PRCD: variants seen among roughly 807,000 people sequenced by gnomAD.
The protein encoded by PRCD is photoreceptor disk component PRCD.
In PRCD, 12 loss-of-function variants were observed where a neutral mutation model predicts 10.1. That is an observed-to-expected ratio of 1.18 (90% CI 0.76 to 1.92). The LOEUF (loss-of-function observed/expected upper bound fraction) is 1.92, where lower values mean the gene tolerates loss of function less well. PRCD is among the 40% of genes most tolerant of loss of function. PRCD has a pLI of 0.00. For missense variants in PRCD, 61 were observed against 72.2 expected (o/e 0.84, Z 0.56); for synonymous variants, 31 against 26.2 (o/e 1.18, Z -0.56).
Position 76,532,169 on chromosome 17 carries a change from G to A in PRCD, n.45+4336G>A, listed in dbSNP as rs74864460. 2.7e-3 allele frequency: 425 copies of A among 159,896 alleles called. 6 individuals carry two copies. The highest frequency in any genetic ancestry group is 0.022 in the East Asian group (122 of 5,444). The allele number at this position is 159,896 out of a possible 1,614,324, so 9.9% of individuals were successfully genotyped here. A position where few individuals can be genotyped will look rare whatever the true frequency, so the allele number is the denominator to read the frequency against. On this transcript the variant is annotated intron_variant and non_coding_transcript_variant, in intron 1 of 4. Transcript: ENST00000397633. ...ATGGCTCCCTATTGTCTGCCAAAGT[G>A]AAACTCCTTAACCGGGCATTCCAGA...
rs575918636 is a variant in PRCD at position 76,540,254 on chromosome 17, G to GC, written c.74+39_74+40insC. 1.1e-3 allele frequency: 937 copies of GC among 887,748 alleles called. 15 individuals are homozygous for GC. Among genetic ancestry groups the GC allele is most frequent in the Non-Finnish European group, 1.4e-3 (849 of 589,492 alleles). 55.0% of individuals were successfully genotyped at this position (887,748 alleles called of 1,614,324 possible). On this transcript the variant is annotated intron_variant, in intron 1 of 4. Transcript: ENST00000592014. The surrounding 1 kb of genome is among the most constrained non-coding windows in gnomAD (Gnocchi z 5.0). The stretch of plus-strand genomic sequence containing the variant: ...CGGGCTATGGCTGGCGGTTGGTCGG[G>GC]GGGGGGGGGCATGGGGCTGGGCTGC...
intron 1 of PRCD, among the ~76,000 whole-genome samples, chr17:76,534,174 C>CTCTCTCTT (rs1567907867): frequency 9.4e-5 from 10 of 106,106 alleles, no homozygotes; most frequent in Admixed American, 7.9e-4. Context: ...CTCTCTCTCT[C>CTCTCTCTT]TCTTTCTTTC....
Position 76,545,343 on chromosome 17 carries a change from A to G in PRCD, c.*1693A>G, listed in dbSNP as rs570468596. 10 of 456,676 alleles carry G rather than the reference A, an allele frequency of 2.2e-5. No individual in the cohort carries two copies. In the East Asian group the frequency reaches 7.0e-4, roughly 32 times the overall value. 28.3% of individuals were successfully genotyped at this position (456,676 alleles called of 1,614,324 possible). A position where few individuals can be genotyped will look rare whatever the true frequency, so the allele number is the denominator to read the frequency against. On this transcript the variant is annotated 3_prime_UTR_variant, in exon 5 of 5. Transcript: ENST00000592014. Reference sequence around the variant, plus strand: ...AGCTCAGGGCAAGGGTGGACCTTTAAATGGGGGAATTAAATCCTGACTATG... The same window carrying G: ...AGCTCAGGGCAAGGGTGGACCTTTAGATGGGGGAATTAAATCCTGACTATG...
chr17:76,540,259 G>GGT lies in PRCD; in HGVS notation c.74+45_74+46insTG. 9.7e-7 allele frequency: 1 copy of GGT among 1,026,674 alleles called. No individual in the cohort carries two copies. The allele number at this position is 1,026,674 out of a possible 1,614,324, so 63.6% of individuals were successfully genotyped here. A position where few individuals can be genotyped will look rare whatever the true frequency, so the allele number is the denominator to read the frequency against. The stretch of plus-strand genomic sequence containing the variant: ...TATGGCTGGCGGTTGGTCGGGGGGG[G>GGT]GGGGCATGGGGCTGGGCTGCCACCA... On this transcript the variant is annotated intron_variant, in intron 1 of 4. Coordinates refer to ENST00000592014, the MANE Select transcript of PRCD (RefSeq NM_001077620.3). The surrounding 1 kb of genome is among the most constrained non-coding windows in gnomAD (Gnocchi z 5.0).
downstream of PRCD, chr17:76,545,971 G>A (rs2075049352): frequency 6.3e-6 from 1 of 157,836 alleles, no homozygotes; most frequent in Non-Finnish European, 1.4e-5. Context: ...GAAGCCCCCT[G>A]TAAGCCTGTA....
chr17:76,536,105 G>A, upstream of PRCD, among the ~76,000 whole-genome samples: 1 of 152,200 alleles, frequency 6.6e-6, no homozygotes, highest in East Asian at 1.9e-4. Context: ...GTATCCCAAT[G>A]TCCCTCTTAG....
Position 76,530,966 on chromosome 17 carries a change from C to A in PRCD, n.45+3133C>A. 1 of 1,571,038 alleles carries A rather than the reference C, an allele frequency of 6.4e-7. No homozygotes were observed. The highest frequency in any genetic ancestry group is 8.6e-7 in the Non-Finnish European group (1 of 1,156,660). ...GGGGAGGCTGCCCAGCCCACCCTCGCCCGCCTCCTCACGTGGTGGCGTTGG... is the reference window on the plus strand; with the variant it reads ...GGGGAGGCTGCCCAGCCCACCCTCGACCGCCTCCTCACGTGGTGGCGTTGG... On this transcript the variant is annotated intron_variant and non_coding_transcript_variant, in intron 1 of 4. Coordinates refer to the PRCD transcript ENST00000397633. The surrounding 1 kb of genome is among the most constrained non-coding windows in gnomAD (Gnocchi z 6.1).
At position 76,531,218 on chromosome 17, in the gene PRCD, A is replaced by G; in HGVS notation, n.45+3385A>G. On this transcript the variant is annotated intron_variant and non_coding_transcript_variant, in intron 1 of 4. Coordinates refer to the PRCD transcript ENST00000397633. The surrounding 1 kb of genome is among the most constrained non-coding windows in gnomAD (Gnocchi z 7.4). ...TGCAACCCCCAGGCCCCTCCGCCCC[A>G]CGTGTGGCCGAGAGGATCATTCCTA... 6.8e-7 allele frequency: 1 copy of G among 1,463,990 alleles called. No homozygotes were observed. Among genetic ancestry groups the G allele is most frequent in the Non-Finnish European group, 9.3e-7 (1 of 1,070,100 alleles). The allele number at this position is 1,463,990 out of a possible 1,614,324, so 90.7% of individuals were successfully genotyped here.
In PRCD at chr17:76,531,392, A is replaced by C. The variant is rs1482773425; in HGVS notation, n.45+3559A>C. On this transcript the variant is annotated intron_variant and non_coding_transcript_variant, in intron 1 of 4. Coordinates refer to the PRCD transcript ENST00000397633. The surrounding 1 kb of genome is among the most constrained non-coding windows in gnomAD (Gnocchi z 7.4). Reference sequence around the variant, plus strand: ...CTGTTGCTCCAGAGAGCCGTCGCAGAGCCTGCGAGCTGCAGATGGCCATGA... The same window carrying C: ...CTGTTGCTCCAGAGAGCCGTCGCAGCGCCTGCGAGCTGCAGATGGCCATGA... 1.2e-5 allele frequency: 18 copies of C among 1,543,852 alleles called. No individual in the cohort carries two copies. The South Asian group carries it at 2.0e-4, about 17-fold the overall frequency.
downstream of PRCD, among the ~76,000 whole-genome samples, chr17:76,548,158 CAT>C (rs893096054): frequency 3.3e-5 from 5 of 152,006 alleles, no homozygotes; most frequent in African/African-American, 1.2e-4. Flanking sequence ...CACATTCACA[CAT>C]ACACACACAC....
Position 76,540,317 on chromosome 17 carries a change from CAGCGGGGCTGGGAGGGCATTTTGAGGA to C in PRCD, c.74+104_74+130del. On this transcript the variant is annotated intron_variant, in intron 1 of 4. Coordinates refer to ENST00000592014, the MANE Select transcript of PRCD (RefSeq NM_001077620.3). The surrounding 1 kb of genome is among the most constrained non-coding windows in gnomAD (Gnocchi z 5.0). ...GGTGGGCAGGGGCTGCGTGAACCTT[CAGCGGGGCTGGGAGGGCATTTTGAGGA>C]ACCCTTGAGAGAGCACAGTCTCAGA... The C allele has an allele frequency of 2.2e-6, 3 of 1,388,476 alleles. No individual in the cohort carries two copies. The highest frequency in any genetic ancestry group is 3.0e-6 in the Non-Finnish European group (3 of 1,001,034). 86.0% of individuals were successfully genotyped at this position (1,388,476 alleles called of 1,614,324 possible). A position where few individuals can be genotyped will look rare whatever the true frequency, so the allele number is the denominator to read the frequency against.
In PRCD at chr17:76,528,294, C is replaced by G. The variant is rs2074790602; in HGVS notation, n.45+461C>G. The stretch of plus-strand genomic sequence containing the variant: ...AGGGACTCCTAGACCTGTCCCGCTT[C>G]CTGCCAGCCGCTCAGCTAGGTCTCT... On this transcript the variant is annotated intron_variant and non_coding_transcript_variant, in intron 1 of 4. Coordinates refer to the PRCD transcript ENST00000397633. The surrounding 1 kb of genome is among the most constrained non-coding windows in gnomAD (Gnocchi z 5.8). 2.5e-6 allele frequency: 1 copy of G among 400,314 alleles called. No individual in the cohort carries two copies. Among genetic ancestry groups the G allele is most frequent in the Admixed American group, 4.4e-5 (1 of 22,750 alleles). 24.8% of individuals were successfully genotyped at this position (400,314 alleles called of 1,614,324 possible).
intron 1 of PRCD, chr17:76,551,398 G>A (rs779924872): frequency 3.9e-5 from 6 of 152,046 alleles, no homozygotes; most frequent in Non-Finnish European, 7.4e-5. Flanking sequence ...AGAGGCAGTG[G>A]CTCTGCCAAG....
chr17:76,540,263 G>GGA lies in PRCD; in HGVS notation c.74+48_74+49insGA. On this transcript the variant is annotated intron_variant, in intron 1 of 4. Coordinates refer to ENST00000592014, the MANE Select transcript of PRCD (RefSeq NM_001077620.3). This position sits in a 1 kb window ranked among gnomAD's most constrained non-coding sequence, Gnocchi z 5.0. ...GCTGGCGGTTGGTCGGGGGGGGGGG[G>GGA]CATGGGGCTGGGCTGCCACCAAGCT... is the stretch of plus-strand genomic sequence containing the variant. 1 of 610,900 alleles carries GGA rather than the reference G, an allele frequency of 1.6e-6. No homozygotes were observed. The highest frequency in any genetic ancestry group is 2.4e-5 in the African/African-American group (1 of 41,248). The allele number at this position is 610,900 out of a possible 1,614,324, so 37.8% of individuals were successfully genotyped here.
Position 76,533,141 on chromosome 17 carries a change from A to G in PRCD, n.45+5308A>G, listed in dbSNP as rs1038913425. On this transcript the variant is annotated intron_variant and non_coding_transcript_variant, in intron 1 of 4. Transcript: ENST00000397633. This position sits in a 1 kb window ranked among gnomAD's most constrained non-coding sequence, Gnocchi z 4.5. ...CTGGTGGAACTGCTATTGGCGGGGAAGTTTGCACAGTGACCAGGGCACAGT... is the reference window on the plus strand; with the variant it reads ...CTGGTGGAACTGCTATTGGCGGGGAGGTTTGCACAGTGACCAGGGCACAGT... 2.6e-5 allele frequency among the ~76,000 whole-genome samples: 4 copies of G among 152,146 alleles called. No homozygotes were observed. The highest frequency in any genetic ancestry group is 9.7e-5 in the African/African-American group (4 of 41,438).
chr17:76,548,275 T>C (rs1001399187), downstream of PRCD, among the ~76,000 whole-genome samples: 3 of 151,934 alleles, frequency 2.0e-5, no homozygotes, highest in African/African-American at 4.8e-5. Context: ...CACATAAACA[T>C]ACATACACAC....
chr17:76,540,049 G>A lies in PRCD; in HGVS notation c.-93G>A. On this transcript the variant is annotated 5_prime_UTR_variant, in exon 1 of 5. Coordinates refer to ENST00000592014, the MANE Select transcript of PRCD (RefSeq NM_001077620.3). This position sits in a 1 kb window ranked among gnomAD's most constrained non-coding sequence, Gnocchi z 5.0. ...CCCAGCAGGAACCGCAGGACAGACG[G>A]CAGTGGCTCCTGAGAGCTGGCTGGG... 2.3e-6 allele frequency: 3 copies of A among 1,311,150 alleles called. No individual in the cohort carries two copies. Among genetic ancestry groups the A allele is most frequent in the South Asian group, 1.3e-5 (1 of 79,260 alleles). 81.2% of individuals were successfully genotyped at this position (1,311,150 alleles called of 1,614,324 possible). A position where few individuals can be genotyped will look rare whatever the true frequency, so the allele number is the denominator to read the frequency against.
chr17:76,538,507 G>A, upstream of PRCD: 1 of 467,246 alleles, frequency 2.1e-6, no homozygotes, highest in South Asian at 1.6e-5. Context: ...GACACGGACA[G>A]GCAAGAACCA....
chr17:76,542,891 G>A, intron 3 of PRCD, 138 bp from the exon 4 acceptor site: 1 of 594,820 alleles, frequency 1.7e-6, no homozygotes, highest in Non-Finnish European at 3.2e-6. Flanking sequence ...GGGATGGCGA[G>A]GTGGTCGTGC....
Sources: allele counts gnomAD v4.1 joint callset (sites outside exome capture counted in the v4.1 genomes callset), GRCh38; gene constraint gnomAD v4.1.1; non-coding constraint Gnocchi (gnomAD v3.1); transcripts MANE v1.5; gene names NCBI Gene and HGNC (gene_info 2026-07-23, HGNC 2026-07-21).